The following PTPRM variants were observed in gnomAD, a reference collection of about 807,000 sequenced individuals.
PTPRM encodes the protein receptor-type tyrosine-protein phosphatase mu.
PTPRM carries 47 observed loss-of-function variants against 186.7 expected under a neutral mutation model. The observed-to-expected ratio is 0.25, with a 90% confidence interval of 0.20 to 0.32. PTPRM has a LOEUF of 0.32. PTPRM is among the 10% of genes least tolerant of loss of function. The pLI is 1.00. For synonymous variants in PTPRM, 668 were observed against 674.9 expected (o/e 0.99, Z 0.16); for missense variants, 1,494 against 1,865.0 (o/e 0.80, Z 3.66).
intron 14 of PTPRM, among the ~76,000 whole-genome samples, chr18:8,166,857 C>T (rs1011463965): frequency 1.3e-5 from 2 of 152,150 alleles, no homozygotes; most frequent in Non-Finnish European, 2.9e-5. Context: ...CCACTCTGAG[C>T]CATTATGATA....
intron 22 of PTPRM, among the ~76,000 whole-genome samples, chr18:8,337,547 A>G (rs1306603749): frequency 1.3e-5 from 2 of 152,222 alleles, no homozygotes; most frequent in African/African-American, 4.8e-5. Context: ...GGGCCAGGAC[A>G]GTGGTATAAA....
At chr18:7,843,915 G>GTC (rs1194365621) in intron 2 of PTPRM, among the ~76,000 whole-genome samples, 1 of 152,162 alleles carries the variant, frequency 6.6e-6, no homozygotes. Flanking sequence ...AATGTTGACT[G>GTC]TCAGGTGTGG....
At chr18:7,799,022 A>G (rs1283272236) in intron 2 of PTPRM, among the ~76,000 whole-genome samples, 2 of 152,190 alleles carry the variant, frequency 1.3e-5, no homozygotes, top group South Asian at 2.1e-4. Context: ...TTTCATGTTA[A>G]GAGTATCTTA....
chr18:8,312,151 C>A (rs775319141), intron 20 of PTPRM, among the ~76,000 whole-genome samples: 1 of 152,176 alleles, frequency 6.6e-6, no homozygotes, highest in Non-Finnish European at 1.5e-5. Context: ...TGATTCAGTT[C>A]TAGGGTGCAT....
At chr18:8,215,768 G>A (rs1041370558) in intron 14 of PTPRM, among the ~76,000 whole-genome samples, 2 of 151,738 alleles carry the variant, frequency 1.3e-5, no homozygotes, top group South Asian at 2.1e-4. Flanking sequence ...GGCTGGTCTT[G>A]AACTCCTGGA....
intron 22 of PTPRM, among the ~76,000 whole-genome samples, chr18:8,333,481 T>C (rs1005454245): frequency 2.0e-5 from 3 of 152,216 alleles, no homozygotes; most frequent in Non-Finnish European, 2.9e-5. Context: ...TTAAGTGTTA[T>C]GGAAGCATCA....
chr18:8,015,636 C>T (rs1464200880), intron 7 of PTPRM, among the ~76,000 whole-genome samples: 2 of 152,060 alleles, frequency 1.3e-5, no homozygotes, highest in African/African-American at 4.8e-5. Flanking sequence ...TAGAGCAGAA[C>T]CTTTCCAAGG....
chr18:8,341,969 A>T (rs965694049), intron 22 of PTPRM, among the ~76,000 whole-genome samples: 1 of 152,204 alleles, frequency 6.6e-6, no homozygotes, highest in African/African-American at 2.4e-5. Context: ...GGCAGAGTGC[A>T]TGGTCCCTTC....
In PTPRM at chr18:8,394,500, G is replaced by A. The variant is rs140071883; in HGVS notation, c.4233G>A (p.Thr1411=). 9.3e-6 allele frequency: 15 copies of A among 1,613,006 alleles called. No individual in the cohort carries two copies. Among genetic ancestry groups the A allele is most frequent in the Middle Eastern group, 3.3e-4 (2 of 6,060 alleles). Residue 1411 remains threonine (T), a synonymous_variant, in exon 32 of 33, where the codon ACG becomes ACA. Transcript: ENST00000580170. ...HCLNGGGRSG[T]FCAISIVCEM... The stretch of plus-strand genomic sequence containing the variant: ...GGAACGGGGGAGGCCGCAGTGGGAC[G>A]TTCTGCGCCATCAGCATCGTATGTG...
rs148575746 is a variant in PTPRM at position 8,325,234 on chromosome 18, G to T, written c.2956+6020G>T. Among the ~76,000 whole-genome samples, 140 of 152,214 alleles carry T rather than the reference G, an allele frequency of 9.2e-4. 1 individual carries two copies. The highest frequency in any genetic ancestry group is 3.4e-3 in the African/African-American group (140 of 41,536). ...ATACAGGTAAACTGCATGTCATGAG[G>T]GTTTGGTGTACAGATTATTTTGTCA... On this transcript the variant is annotated intron_variant, in intron 22 of 32. Coordinates refer to ENST00000580170, the MANE Select transcript of PTPRM (RefSeq NM_001105244.2).
chr18:7,952,230 T>A (rs2053012799), intron 6 of PTPRM, among the ~76,000 whole-genome samples: 1 of 152,284 alleles, frequency 6.6e-6, no homozygotes, highest in South Asian at 2.1e-4. Context: ...TGTCTGTGTG[T>A]GTATAAATAC....
At chr18:8,330,890 G>A (rs1355284517) in intron 22 of PTPRM, among the ~76,000 whole-genome samples, 1 of 152,126 alleles carries the variant, frequency 6.6e-6, no homozygotes, top group Non-Finnish European at 1.5e-5. Flanking sequence ...CCGCCATTCG[G>A]TCTGTCCCAG....
At chr18:7,652,929 G>C (rs993357181) in intron 1 of PTPRM, among the ~76,000 whole-genome samples, 108 of 151,558 alleles carry the variant, frequency 7.1e-4, no homozygotes, top group Admixed American at 7.0e-3. Context: ...AATAAAAAAG[G>C]GTTCATGCCC....
intron 14 of PTPRM, among the ~76,000 whole-genome samples, chr18:8,190,185 A>G (rs1018838009): frequency 5.9e-5 from 9 of 152,210 alleles, no homozygotes; most frequent in Admixed American, 5.9e-4. Flanking sequence ...GTTATTAACT[A>G]AAGTCACCAT....
At chr18:8,212,626 G>A (rs566207392) in intron 14 of PTPRM, among the ~76,000 whole-genome samples, 68 of 152,234 alleles carry the variant, frequency 4.5e-4, no homozygotes, top group African/African-American at 1.6e-3. Flanking sequence ...GTGCCATAGC[G>A]AGACCCTGTC....
At chr18:8,126,025 A>ATTT (rs1215694977) in intron 13 of PTPRM, among the ~76,000 whole-genome samples, 840 of 57,158 alleles carry the variant, frequency 0.015, 58 homozygotes, top group Admixed American at 0.021. Context: ...ATATATATAT[A>ATTT]TATTTTAAAT....
At chr18:7,573,524 G>A (rs2036612259) in intron 1 of PTPRM, among the ~76,000 whole-genome samples, 1 of 152,104 alleles carries the variant, frequency 6.6e-6, no homozygotes, top group South Asian at 2.1e-4. Context: ...GGGTGGTCAG[G>A]GTTTGTAGCC....
chr18:7,840,663 A>C (rs2046278100), intron 2 of PTPRM, among the ~76,000 whole-genome samples: 1 of 152,222 alleles, frequency 6.6e-6, no homozygotes, highest in African/African-American at 2.4e-5. Context: ...ATGATCAGAA[A>C]TGTGCCGTCA....
chr18:7,993,755 T>C (rs2083386191), intron 7 of PTPRM, among the ~76,000 whole-genome samples: 1 of 152,136 alleles, frequency 6.6e-6, no homozygotes, highest in Non-Finnish European at 1.5e-5. Context: ...AGTGAAAGGA[T>C]GTTCTCCATC....
Sources: allele counts gnomAD v4.1 joint callset (sites outside exome capture counted in the v4.1 genomes callset), GRCh38; gene constraint gnomAD v4.1.1; transcripts MANE v1.5; gene names NCBI Gene and HGNC (gene_info 2026-07-23, HGNC 2026-07-21).